Variants in CSMD2 observed in about 807,000 individuals in gnomAD.
CSMD2 encodes CUB and Sushi multiple domains 2.
In CSMD2, 130 loss-of-function variants were observed where a neutral mutation model predicts 398.5. The ratio of observed to expected loss-of-function variants is 0.33; its 90% confidence interval spans 0.28 to 0.38. The LOEUF is 0.38. Ranked by LOEUF, CSMD2 falls within the 10% of genes least tolerant of loss-of-function variation. The pLI, the probability that CSMD2 is intolerant of heterozygous loss-of-function variation, is 1.00. For synonymous variants in CSMD2, 1,828 were observed against 1,908.5 expected, an observed-to-expected ratio of 0.96 and a Z score of 1.10; for missense variants, 3,829 against 4,764.9, an observed-to-expected ratio of 0.80 and a Z score of 5.78.
chr1:33,768,851 C>T lies in CSMD2; in HGVS notation c.1846+3718G>A, dbSNP rs367801721. ...TTAAATCGTATACATCCAAGAAGTT[C>T]CTGCCTTCACATTTCACACATATAC... On this transcript the variant is annotated intron_variant, in intron 13 of 70. Transcript: ENST00000373381. Among the ~76,000 whole-genome samples, 7 of 152,264 alleles carry T rather than the reference C, an allele frequency of 4.6e-5. No individual in the cohort carries two copies. In the South Asian group the frequency reaches 8.3e-4, roughly 18 times the overall value.
At chr1:33,796,244 C>G (rs947567574) in intron 10 of CSMD2, among the ~76,000 whole-genome samples, 1 of 152,202 alleles carries the variant, frequency 6.6e-6, no homozygotes, top group Non-Finnish European at 1.5e-5. Context: ...ACAATGTGCT[C>G]AATTCTGTTC....
At chr1:33,970,136 G>A (rs1488755621) in intron 3 of CSMD2, among the ~76,000 whole-genome samples, 1 of 149,904 alleles carries the variant, frequency 6.7e-6, no homozygotes, top group African/African-American at 2.5e-5. Flanking sequence ...AGAAAAGGCA[G>A]AAATTCAAAG....
chr1:34,148,481 T>G (rs1269737736), intron 1 of CSMD2, among the ~76,000 whole-genome samples: 1 of 152,162 alleles, frequency 6.6e-6, no homozygotes, highest in Non-Finnish European at 1.5e-5. Context: ...TGACAACCAC[T>G]TGACGTGTAA....
intron 7 of CSMD2, among the ~76,000 whole-genome samples, chr1:33,822,995 C>T (rs1167345728): frequency 6.6e-6 from 1 of 152,186 alleles, no homozygotes; most frequent in Non-Finnish European, 1.5e-5. Context: ...GAACATATGG[C>T]GGTTCCCTTT....
chr1:33,635,036 GAAT>G lies in CSMD2; in HGVS notation c.5086+175_5086+177del, dbSNP rs1642713052. Among the ~76,000 whole-genome samples, 1 of 152,130 alleles carries G rather than the reference GAAT, an allele frequency of 6.6e-6. No individual in the cohort carries two copies. The highest frequency in any genetic ancestry group is 2.4e-5 in the African/African-American group (1 of 41,414). ...GTGCCCTTCTGCCCTCTTGTGTCCGGAATGTATTCTGCAGCCCGTTTGAGAAAC... is the reference window on the plus strand; with the variant it reads ...GTGCCCTTCTGCCCTCTTGTGTCCGGGTATTCTGCAGCCCGTTTGAGAAAC... On this transcript the variant is annotated intron_variant, in intron 31 of 70. Transcript: ENST00000373381. The surrounding 1 kb of genome is among the most constrained non-coding windows in gnomAD (Gnocchi z 5.0).
At chr1:33,859,361 A>G (rs1639323666) in intron 5 of CSMD2, among the ~76,000 whole-genome samples, 1 of 152,122 alleles carries the variant, frequency 6.6e-6, no homozygotes, top group Admixed American at 6.5e-5. Context: ...TCAGCAGTGT[A>G]GCATCTTCAA....
chr1:33,547,566 G>A (rs1454839606), intron 56 of CSMD2, among the ~76,000 whole-genome samples: 1 of 152,052 alleles, frequency 6.6e-6, no homozygotes, highest in Non-Finnish European at 1.5e-5. Flanking sequence ...CTCAACCTTG[G>A]GATTATTCCC....
chr1:33,783,703 G>A (rs546655665), intron 12 of CSMD2, among the ~76,000 whole-genome samples: 1 of 152,258 alleles, frequency 6.6e-6, no homozygotes, highest in South Asian at 2.1e-4. Context: ...GGACATTGTG[G>A]TATGACAGTG....
intron 1 of CSMD2, among the ~76,000 whole-genome samples, chr1:34,102,373 C>T (rs1211336544): frequency 1.3e-5 from 2 of 152,120 alleles, no homozygotes; most frequent in Non-Finnish European, 2.9e-5. Context: ...TCTCTTTTTT[C>T]TTGGTAATAT....
At chr1:34,031,960 T>C (rs962046087) in intron 3 of CSMD2, among the ~76,000 whole-genome samples, 2 of 152,074 alleles carry the variant, frequency 1.3e-5, no homozygotes, top group Non-Finnish European at 2.9e-5. Flanking sequence ...CCCAGGGAAA[T>C]GACAGAGATC....
intron 22 of CSMD2, among the ~76,000 whole-genome samples, chr1:33,704,360 C>T (rs747790140): frequency 3.3e-5 from 5 of 152,004 alleles, no homozygotes; most frequent in East Asian, 1.9e-4. Context: ...ATGCTGCGTT[C>T]TATTGGTGAT....
chr1:33,557,703 C>A, intron 55 of CSMD2, 31 bp downstream of exon 55: 1 of 1,528,850 alleles, frequency 6.5e-7, no homozygotes, highest in Admixed American at 2.0e-5. Context: ...GCCACCCCAT[C>A]AGTCATTTTG....
chr1:33,792,391 A>G, intron 11 of CSMD2, 32 bp downstream of exon 11: 1 of 1,530,770 alleles, frequency 6.5e-7, no homozygotes, highest in Non-Finnish European at 9.1e-7. Flanking sequence ...CCACCGTCCC[A>G]CCTTCCAAAC....
intron 9 of CSMD2, among the ~76,000 whole-genome samples, chr1:33,815,976 C>A (rs556055328): frequency 1.3e-5 from 2 of 152,246 alleles, no homozygotes; most frequent in South Asian, 4.2e-4. Flanking sequence ...GAAAGCTGAT[C>A]TAATGAAATC....
chr1:33,786,258 T>C (rs1424339382), intron 12 of CSMD2, among the ~76,000 whole-genome samples: 1 of 152,224 alleles, frequency 6.6e-6, no homozygotes, highest in Non-Finnish European at 1.5e-5. Context: ...TGGCAAAATA[T>C]GGACAGATTA....
chr1:33,541,387 C>CTTCT, intron 58 of CSMD2, 78 bp from the exon 59 acceptor site: 2 of 1,072,226 alleles, frequency 1.9e-6, no homozygotes, highest in Non-Finnish European at 2.8e-6. Context: ...CTATCACTCC[C>CTTCT]TGCATGCATC....
intron 2 of CSMD2, among the ~76,000 whole-genome samples, chr1:34,084,068 A>G (rs1197736529): frequency 3.9e-5 from 6 of 152,180 alleles, no homozygotes; most frequent in Non-Finnish European, 7.4e-5. Context: ...CAGATCATAA[A>G]GATGACAGAG....
intron 5 of CSMD2, among the ~76,000 whole-genome samples, chr1:33,868,413 C>G (rs1047552083): frequency 6.6e-6 from 1 of 152,114 alleles, no homozygotes; most frequent in African/African-American, 2.4e-5. Context: ...TCATCTCTCA[C>G]GTTCCGGTGA....
intron 3 of CSMD2, among the ~76,000 whole-genome samples, chr1:34,001,931 T>G (rs1210580670): frequency 3.3e-5 from 5 of 152,224 alleles, no homozygotes; most frequent in African/African-American, 4.8e-5. Flanking sequence ...TAATAATGAC[T>G]GCAACTTCTT....
Sources: gnomAD v4.1 joint callset for allele counts (sites outside exome capture counted in the v4.1 genomes callset) on GRCh38, gnomAD v4.1.1 for gene constraint, Gnocchi (gnomAD v3.1) non-coding constraint, MANE v1.5 for transcripts, NCBI Gene and HGNC (gene_info 2026-07-23, HGNC 2026-07-21) for gene names.